Variants in STK32B observed in about 807,000 individuals in gnomAD.
STK32B encodes the protein serine/threonine kinase 32B, also known as serine/threonine-protein kinase 32B.
In STK32B, 43 loss-of-function variants were observed where a neutral mutation model predicts 52.6. The observed-to-expected ratio is 0.82, with a 90% CI of 0.64 to 1.05. The LOEUF is 1.05. Ranked by LOEUF, STK32B falls within the 50% of genes least tolerant of loss-of-function variation. STK32B has a pLI of 0.00. For missense variants in STK32B, 621 were observed against 534.6 expected, an observed-to-expected ratio of 1.16 and a Z score of -1.59; for synonymous variants, 238 against 204.3, an observed-to-expected ratio of 1.17 and a Z score of -1.41.
At chr4:5,330,417 A>G (rs62300008) in intron 3 of STK32B, among the ~76,000 whole-genome samples, 1 of 152,142 alleles carries the variant, frequency 6.6e-6, no homozygotes, top group Non-Finnish European at 1.5e-5. Context: ...TTGGTACTGT[A>G]TCAATTTTCT....
intron 3 of STK32B, among the ~76,000 whole-genome samples, chr4:5,176,254 G>T (rs541228567): frequency 7.6e-4 from 115 of 152,262 alleles, no homozygotes; most frequent in African/African-American, 2.6e-3. Flanking sequence ...CTTCCCAGGT[G>T]AGGCGATGCC....
chr4:5,418,355 T>A (rs1712332730), intron 6 of STK32B, among the ~76,000 whole-genome samples: 1 of 152,244 alleles, frequency 6.6e-6, no homozygotes, highest in Non-Finnish European at 1.5e-5. Flanking sequence ...TATTAATATA[T>A]CATATGCATG....
At chr4:5,109,583 C>A (rs1413050980) in intron 1 of STK32B, among the ~76,000 whole-genome samples, 1 of 152,132 alleles carries the variant, frequency 6.6e-6, no homozygotes, top group African/African-American at 2.4e-5. Context: ...TCCAGCAGTC[C>A]TCCATGATAA....
chr4:5,117,984 A>G (rs184156027), intron 1 of STK32B, among the ~76,000 whole-genome samples: 281 of 152,306 alleles, frequency 1.8e-3, no homozygotes, highest in Non-Finnish European at 2.7e-3. Context: ...TTTTGCATCT[A>G]TGTTCCTCAG....
chr4:5,057,076 T>C (rs935464010), intron 1 of STK32B, among the ~76,000 whole-genome samples: 4 of 152,234 alleles, frequency 2.6e-5, no homozygotes, highest in African/African-American at 9.6e-5. Flanking sequence ...CCTTTGTGTC[T>C]GCAAAGCCTA....
intron 1 of STK32B, among the ~76,000 whole-genome samples, chr4:5,069,726 A>G (rs780238022): frequency 9.2e-5 from 14 of 152,228 alleles, no homozygotes; most frequent in Admixed American, 9.2e-4. Context: ...TCTGGCAGTA[A>G]TAAGTACTAT....
chr4:5,197,213 T>A (rs933419844), intron 3 of STK32B, among the ~76,000 whole-genome samples: 5 of 152,156 alleles, frequency 3.3e-5, no homozygotes, highest in Non-Finnish European at 2.9e-5. Context: ...ACATCATCAC[T>A]CTGTGGGAAG....
At chr4:5,310,321 A>G (rs945080358) in intron 3 of STK32B, among the ~76,000 whole-genome samples, 2 of 152,234 alleles carry the variant, frequency 1.3e-5, no homozygotes, top group African/African-American at 4.8e-5. Context: ...ACATAAAAGT[A>G]ACTGAAACAA....
intron 3 of STK32B, among the ~76,000 whole-genome samples, chr4:5,211,353 G>T (rs1344017115): frequency 6.6e-6 from 1 of 152,202 alleles, no homozygotes; most frequent in East Asian, 1.9e-4. Flanking sequence ...CTGGGAGAGA[G>T]AAATAGGGAA....
At chr4:5,234,520 T>C (rs1348810950) in intron 3 of STK32B, among the ~76,000 whole-genome samples, 3 of 147,728 alleles carry the variant, frequency 2.0e-5, no homozygotes, top group African/African-American at 7.3e-5. Flanking sequence ...CAATAAAAAA[T>C]ATTGATTAAA....
chr4:5,345,325 T>C (rs1733380479), intron 4 of STK32B: 1 of 145,772 alleles, frequency 6.9e-6, no homozygotes, highest in African/African-American at 2.5e-5. Context: ...TTTTTTTTTT[T>C]AGCATTTTCA....
At chr4:5,158,577 AGT>A (rs1277929090) in intron 2 of STK32B, among the ~76,000 whole-genome samples, 1 of 152,186 alleles carries the variant, frequency 6.6e-6, no homozygotes, top group Non-Finnish European at 1.5e-5. Flanking sequence ...AAAAGTCAAC[AGT>A]GTTAGTCTGC....
At chr4:5,229,616 T>C (rs1447866529) in intron 3 of STK32B, among the ~76,000 whole-genome samples, 2 of 152,202 alleles carry the variant, frequency 1.3e-5, no homozygotes, top group Admixed American at 6.5e-5. Context: ...CTAAAGCTAA[T>C]GAACTATCCT....
the STK32B span, among the ~76,000 whole-genome samples, chr4:5,033,670 G>A: frequency 6.6e-6 from 1 of 152,210 alleles, no homozygotes; most frequent in Non-Finnish European, 1.5e-5. Context: ...AAGAAGGGCG[G>A]AAGCACCCCT....
chr4:5,135,417 C>A (rs565919877), intron 1 of STK32B, among the ~76,000 whole-genome samples: 2 of 152,114 alleles, frequency 1.3e-5, no homozygotes, highest in Non-Finnish European at 2.9e-5. Flanking sequence ...GTTCTTTGGC[C>A]TCTTAGTAAA....
At chr4:5,055,648 C>G (rs1346328622) in intron 1 of STK32B, among the ~76,000 whole-genome samples, 1 of 152,122 alleles carries the variant, frequency 6.6e-6, no homozygotes, top group Non-Finnish European at 1.5e-5. Context: ...GAGACTGCAC[C>G]TTCCTCTGTC....
At chr4:5,330,396 G>A (rs565610438) in intron 3 of STK32B, among the ~76,000 whole-genome samples, 2 of 152,146 alleles carry the variant, frequency 1.3e-5, no homozygotes, top group African/African-American at 2.4e-5. Context: ...AATGCATTTT[G>A]TTAAATGAAT....
chr4:5,435,294 C>A (rs1367809942), intron 6 of STK32B, among the ~76,000 whole-genome samples: 6 of 152,178 alleles, frequency 3.9e-5, no homozygotes, highest in African/African-American at 1.4e-4. Context: ...CCCTGGACTA[C>A]CTTTCTGGGC....
At chr4:5,231,066 G>A (rs1724228733) in intron 3 of STK32B, among the ~76,000 whole-genome samples, 1 of 152,220 alleles carries the variant, frequency 6.6e-6, no homozygotes, top group Admixed American at 6.5e-5. Context: ...GGGTTGTGCA[G>A]TGGCTCACAT....
Sources: allele counts gnomAD v4.1 joint callset (sites outside exome capture counted in the v4.1 genomes callset), GRCh38; gene constraint gnomAD v4.1.1; transcripts MANE v1.5; gene names NCBI Gene and HGNC (gene_info 2026-07-23, HGNC 2026-07-21).